CDKL4: variants seen among roughly 807,000 people sequenced by gnomAD.
The protein encoded by CDKL4 is cyclin-dependent kinase-like 4.
Under a neutral mutation model 42.0 loss-of-function variants are expected in CDKL4, and 44 were observed. The observed-to-expected ratio is 1.05, with a 90% CI of 0.82 to 1.35. The LOEUF (loss-of-function observed/expected upper bound fraction) is 1.35, where lower values mean the gene tolerates loss of function less well. CDKL4 is among the 40% of genes most tolerant of loss of function. The pLI is 0.00. For synonymous variants in CDKL4, 120 were observed against 121.6 expected, an observed-to-expected ratio of 0.99 and a Z score of 0.09; for missense variants, 393 against 369.9, an observed-to-expected ratio of 1.06 and a Z score of -0.51.
chr2:39,214,283 C>G (rs540816677), intron 3 of CDKL4, among the ~76,000 whole-genome samples: 36 of 152,208 alleles, frequency 2.4e-4, no homozygotes, highest in African/African-American at 6.7e-4. Context: ...AAATTTTAAA[C>G]ATATAAAAGT....
intron 2 of CDKL4, among the ~76,000 whole-genome samples, chr2:39,227,376 A>G (rs1021603734): frequency 6.6e-6 from 1 of 152,224 alleles, no homozygotes; most frequent in African/African-American, 2.4e-5. Context: ...CCTCTACCTC[A>G]GTATCTATTA....
chr2:39,233,940 G>A (rs1346750940), intron 1 of CDKL4, among the ~76,000 whole-genome samples: 2 of 129,138 alleles, frequency 1.5e-5, no homozygotes, highest in Admixed American at 8.7e-5. Flanking sequence ...TTGAGACAGA[G>A]TCTCGTTCTG....
chr2:39,204,868 T>C (rs1439492605), intron 4 of CDKL4, among the ~76,000 whole-genome samples: 3 of 142,606 alleles, frequency 2.1e-5, no homozygotes, highest in Admixed American at 7.0e-5. Context: ...AAAAACTGTC[T>C]TTTTTTTTTT....
intron 7 of CDKL4, among the ~76,000 whole-genome samples, chr2:39,185,057 T>C (rs1206158114): frequency 6.7e-6 from 1 of 149,100 alleles, no homozygotes; most frequent in Non-Finnish European, 1.5e-5. Context: ...ATATTAGTAA[T>C]AACAACACTT....
Position 39,185,390 on chromosome 2 carries a change from G to GTGTA in CDKL4, c.736-744_736-743insTACA, listed in dbSNP as rs1558547432. 1.2e-3 allele frequency among the ~76,000 whole-genome samples: 5 copies of GTGTA among 4,294 alleles called. 1 individual carries two copies. The highest frequency in any genetic ancestry group is 2.1e-3 in the Non-Finnish European group (4 of 1,916). 2.8% of individuals were successfully genotyped at this position (4,294 alleles called of 152,430 possible). ...TATATATACATATGTATATATACATGTATATATACATATGTGTATATATAC... is the reference window on the plus strand; with the variant it reads ...TATATATACATATGTATATATACATGTGTATATATATACATATGTGTATATATAC... On this transcript the variant is annotated intron_variant, in intron 7 of 9. Transcript: ENST00000451199.
chr2:39,241,734 GCAGGTT>G (rs1294880365), intron 1 of CDKL4, among the ~76,000 whole-genome samples: 2 of 152,068 alleles, frequency 1.3e-5, no homozygotes, highest in African/African-American at 4.8e-5. Flanking sequence ...ATCCCCAAAA[GCAGGTT>G]CTTTCTCTGC....
upstream of CDKL4, among the ~76,000 whole-genome samples, chr2:39,245,375 A>G (rs889159222): frequency 2.0e-4 from 31 of 152,070 alleles, no homozygotes; most frequent in Non-Finnish European, 7.4e-5. Flanking sequence ...CGAACCCACC[A>G]GAAGGAAGAA....
intron 4 of CDKL4, among the ~76,000 whole-genome samples, chr2:39,207,329 G>A (rs990565821): frequency 4.6e-5 from 7 of 152,076 alleles, no homozygotes; most frequent in Admixed American, 4.6e-4. Context: ...AGGTTGCAGT[G>A]AGCCAAGATG....
In CDKL4 at chr2:39,185,444, GTATATATACATATGTGTA is replaced by G. The variant is rs1558547720; in HGVS notation, c.736-815_736-798del. Among the ~76,000 whole-genome samples the G allele has an allele frequency of 1.1e-3, 9 of 7,964 alleles. 1 individual carries two copies. The highest frequency in any genetic ancestry group is 0.01 in the South Asian group (2 of 200). 5.2% of individuals were successfully genotyped at this position (7,964 alleles called of 152,430 possible). ...TATATATACATATGTATATATACATGTATATATACATATGTGTATATATATATATATATATTTGAGACA... is the reference window on the plus strand; with the variant it reads ...TATATATACATATGTATATATACATGTATATATATATATATATTTGAGACA... On this transcript the variant is annotated intron_variant, in intron 7 of 9. Transcript: ENST00000451199.
chr2:39,221,989 G>T (rs918294559), intron 3 of CDKL4, among the ~76,000 whole-genome samples: 3 of 152,132 alleles, frequency 2.0e-5, no homozygotes, highest in African/African-American at 7.2e-5. Context: ...TAAGCTTCTT[G>T]AGGGCAGGAC....
chr2:39,201,983 G>C (rs1402272375), intron 5 of CDKL4, among the ~76,000 whole-genome samples: 1 of 152,110 alleles, frequency 6.6e-6, no homozygotes, highest in Admixed American at 6.5e-5. Flanking sequence ...TGTAATCCCA[G>C]CACTTTGGGA....
chr2:39,170,614 G>A, the CDKL4 span, among the ~76,000 whole-genome samples: 1 of 151,994 alleles, frequency 6.6e-6, no homozygotes, highest in Admixed American at 6.6e-5. Context: ...CCGCCACCAT[G>A]CCTGGCTAAT....
intron 1 of CDKL4, among the ~76,000 whole-genome samples, chr2:39,239,823 C>T (rs981552052): frequency 2.0e-5 from 3 of 152,238 alleles, no homozygotes; most frequent in African/African-American, 7.2e-5. Context: ...GGCATGGTGG[C>T]TCACGCCTGT....
In CDKL4 at chr2:39,181,297, C is replaced by A. The variant is rs751310518; in HGVS notation, c.793-1976G>T. Among the ~76,000 whole-genome samples the A allele has an allele frequency of 3.8e-4, 58 of 152,310 alleles. 1 individual carries two copies. The highest frequency in any genetic ancestry group is 7.1e-4 in the Non-Finnish European group (48 of 68,026). ...AGTTTATCTTCTTCTCTACTATGTT[C>A]TCCACTATGGTTGGATAAAATTCCT... On this transcript the variant is annotated intron_variant, in intron 8 of 9. Transcript: ENST00000451199.
chr2:39,218,808 C>T (rs1022196394), intron 3 of CDKL4, among the ~76,000 whole-genome samples: 1 of 152,140 alleles, frequency 6.6e-6, no homozygotes, highest in African/African-American at 2.4e-5. Flanking sequence ...TGAATTAGAC[C>T]ATCGGCTTTC....
chr2:39,174,528 C>G (rs1487202099), downstream of CDKL4, among the ~76,000 whole-genome samples: 4 of 152,070 alleles, frequency 2.6e-5, no homozygotes, highest in Non-Finnish European at 5.9e-5. Flanking sequence ...GTGCGGAAGA[C>G]TTTTAGACAC....
chr2:39,245,361 A>T (rs1466516903), upstream of CDKL4, among the ~76,000 whole-genome samples: 1 of 152,194 alleles, frequency 6.6e-6, no homozygotes, highest in Non-Finnish European at 1.5e-5. Context: ...AGCCAGCGAG[A>T]CCACGAACCC....
intron 4 of CDKL4, among the ~76,000 whole-genome samples, chr2:39,212,362 T>C (rs1677640099): frequency 6.6e-6 from 1 of 151,046 alleles, no homozygotes; most frequent in Non-Finnish European, 1.5e-5. Context: ...GCCTCCCGAG[T>C]AGCTGGGACT....
rs980147908 is a variant in CDKL4 at position 39,207,600 on chromosome 2, T to A, written c.364-2983A>T. 2.6e-5 allele frequency among the ~76,000 whole-genome samples: 4 copies of A among 152,358 alleles called. No homozygotes were observed. The East Asian group carries it at 7.7e-4, about 29-fold the overall frequency. ...GCATTACCAAGTAAATGGATTTACA[T>A]CAATATCTGTCCATTGGCCTATACA... is the stretch of plus-strand genomic sequence containing the variant. On this transcript the variant is annotated intron_variant, in intron 4 of 9. Transcript: ENST00000451199.
Sources: gnomAD v4.1 joint callset for allele counts (sites outside exome capture counted in the v4.1 genomes callset) on GRCh38, gnomAD v4.1.1 for gene constraint, MANE v1.5 for transcripts, NCBI Gene and HGNC (gene_info 2026-07-23, HGNC 2026-07-21) for gene names.